PTPRN2: variants seen among roughly 807,000 people sequenced by gnomAD.
The protein encoded by PTPRN2 is receptor-type tyrosine-protein phosphatase N2.
PTPRN2 carries 74 observed loss-of-function variants against 118.8 expected under a neutral mutation model. The ratio of observed to expected loss-of-function variants is 0.62; its 90% CI spans 0.52 to 0.76. The LOEUF (loss-of-function observed/expected upper bound fraction) is 0.76, where lower values mean the gene tolerates loss of function less well. Ranked by LOEUF, PTPRN2 falls within the 30% of genes least tolerant of loss-of-function variation. PTPRN2 has a pLI of 0.00. For synonymous variants in PTPRN2, 641 were observed against 608.0 expected (o/e 1.05, Z -0.80); for missense variants, 1,481 against 1,394.4 (o/e 1.06, Z -0.99).
At chr7:158,547,933 G>C (rs1309601683) in intron 1 of PTPRN2, among the ~76,000 whole-genome samples, 1 of 152,224 alleles carries the variant, frequency 6.6e-6, no homozygotes, top group East Asian at 1.9e-4. Flanking sequence ...GGGAAGCTGT[G>C]ACTCCCAGGC....
At chr7:158,257,519 G>T (rs1002727035) in intron 3 of PTPRN2, among the ~76,000 whole-genome samples, 1 of 152,186 alleles carries the variant, frequency 6.6e-6, no homozygotes, top group Non-Finnish European at 1.5e-5. Context: ...CCTTCTGGGG[G>T]GCCCTCAAGC....
intron 2 of PTPRN2, among the ~76,000 whole-genome samples, chr7:158,478,099 C>G (rs1270089674): frequency 1.3e-5 from 2 of 152,224 alleles, no homozygotes; most frequent in Non-Finnish European, 1.5e-5. Flanking sequence ...AGAGTCACCA[C>G]GGAGCGTGGG....
intron 1 of PTPRN2, among the ~76,000 whole-genome samples, chr7:158,562,173 G>A (rs904196863): frequency 3.9e-5 from 6 of 152,162 alleles, no homozygotes; most frequent in African/African-American, 1.2e-4. Flanking sequence ...CTGTGAAGTC[G>A]GAGAGCAGGG....
At chr7:158,394,299 C>T (rs1198632026) in intron 2 of PTPRN2, among the ~76,000 whole-genome samples, 1 of 152,178 alleles carries the variant, frequency 6.6e-6, no homozygotes, top group African/African-American at 2.4e-5. Flanking sequence ...CTGGCTCCCC[C>T]ACCAAGGAGC....
At chr7:158,399,324 T>A (rs1004646088) in intron 2 of PTPRN2, among the ~76,000 whole-genome samples, 2 of 152,204 alleles carry the variant, frequency 1.3e-5, no homozygotes, top group Non-Finnish European at 2.9e-5. Flanking sequence ...TTTTCTCTAT[T>A]TCTATTCCCA....
rs1233357273 is a variant in PTPRN2, at chr7:158,330,940, C to G, written c.164-14008G>C. On this transcript the variant is annotated intron_variant, in intron 2 of 22. Coordinates refer to ENST00000389418, the MANE Select transcript of PTPRN2 (RefSeq NM_002847.5). ...GACGTCACTCACACCCACACTCTCACGATAAGAGCTGTCACACGCAGACGA... is the reference window on the plus strand; with the variant it reads ...GACGTCACTCACACCCACACTCTCAGGATAAGAGCTGTCACACGCAGACGA... Among the ~76,000 whole-genome samples the G allele has an allele frequency of 1.8e-5, 2 of 112,030 alleles. 1 individual carries two copies. The highest frequency in any genetic ancestry group is 3.7e-5 in the Non-Finnish European group (2 of 54,190). The allele number at this position is 112,030 out of a possible 152,430, so 73.5% of individuals were successfully genotyped here.
intron 12 of PTPRN2, among the ~76,000 whole-genome samples, chr7:157,886,539 G>A (rs1438454973): frequency 6.6e-6 from 1 of 152,124 alleles, no homozygotes; most frequent in Non-Finnish European, 1.5e-5. Context: ...GGAAAGTATT[G>A]AGAAGGCATC....
In PTPRN2 at chr7:158,456,451, T is replaced by G. The variant is rs532620933; in HGVS notation, c.163+33284A>C. Among the ~76,000 whole-genome samples, 74 of 118,036 alleles carry G rather than the reference T, an allele frequency of 6.3e-4. 5 individuals carry two copies. In the East Asian group the frequency reaches 0.02, roughly 33 times the overall value. The allele number at this position is 118,036 out of a possible 152,430, so 77.4% of individuals were successfully genotyped here. Reference sequence around the variant, plus strand: ...CCCCATCGCTCTGCAGAGAACATAATGGCACGGACGCCATCGGCAATGGCC... The same window carrying G: ...CCCCATCGCTCTGCAGAGAACATAAGGGCACGGACGCCATCGGCAATGGCC... On this transcript the variant is annotated intron_variant, in intron 2 of 22. Transcript: ENST00000389418.
At chr7:158,166,082 A>G (rs987909267) in intron 6 of PTPRN2, among the ~76,000 whole-genome samples, 2 of 152,138 alleles carry the variant, frequency 1.3e-5, no homozygotes, top group African/African-American at 4.8e-5. Flanking sequence ...TTTCCAAAAC[A>G]GATATGGATG....
chr7:158,393,465 G>A (rs1397471534), intron 2 of PTPRN2, among the ~76,000 whole-genome samples: 1 of 152,146 alleles, frequency 6.6e-6, no homozygotes, highest in Admixed American at 6.5e-5. Context: ...ACACAGAAAT[G>A]GTTCCCAGAA....
chr7:157,706,396 C>T lies in PTPRN2; in HGVS notation c.1789-23459G>A, dbSNP rs114025207. Among the ~76,000 whole-genome samples, 558 of 151,726 alleles carry T rather than the reference C, an allele frequency of 3.7e-3. 5 individuals carry two copies. The highest frequency in any genetic ancestry group is 0.013 in the African/African-American group (527 of 41,378). On this transcript the variant is annotated intron_variant, in intron 12 of 22. Coordinates refer to ENST00000389418, the MANE Select transcript of PTPRN2 (RefSeq NM_002847.5). ...ACTACATCCCTCCACGATGTGGGAA[C>T]TGGGCGAATGTGACCCCAGTGCCTT...
chr7:158,110,567 C>A (rs1031650128), intron 10 of PTPRN2, among the ~76,000 whole-genome samples: 3 of 152,198 alleles, frequency 2.0e-5, no homozygotes, highest in African/African-American at 4.8e-5. Flanking sequence ...TGTTCTAGAG[C>A]CTTCGGTGGT....
At chr7:158,121,119 G>T (rs1033279926) in intron 9 of PTPRN2, among the ~76,000 whole-genome samples, 2 of 152,072 alleles carry the variant, frequency 1.3e-5, no homozygotes, top group South Asian at 2.1e-4. Flanking sequence ...CTCTGCCTGG[G>T]CCTGGTGGTG....
intron 2 of PTPRN2, among the ~76,000 whole-genome samples, chr7:158,428,218 C>T (rs1051158087): frequency 6.6e-6 from 1 of 152,162 alleles, no homozygotes; most frequent in East Asian, 1.9e-4. Flanking sequence ...TCTCTCATCC[C>T]AAAATGGAAA....
At position 158,342,845 on chromosome 7, in the gene PTPRN2, A is replaced by C. The variant is rs540797277; in HGVS notation, c.164-25913T>G. On this transcript the variant is annotated intron_variant, in intron 2 of 22. Transcript: ENST00000389418. ...AACCATTCCAGACCACCGGGAGCTC[A>C]GGAAACCTCATCATCGTGCTCACTT... Among the ~76,000 whole-genome samples, 3 of 152,252 alleles carry C rather than the reference A, an allele frequency of 2.0e-5. No homozygotes were observed. The East Asian group carries it at 5.8e-4, about 29-fold the overall frequency.
rs188182675 is a variant in PTPRN2 at position 158,470,067 on chromosome 7, G to A, written c.163+19668C>T. ...ATAAAAGAATTGGGAGCTGGGATCT[G>A]TCCTAGTGCATCACAACGGGCTGCC... On this transcript the variant is annotated intron_variant, in intron 2 of 22. Coordinates refer to ENST00000389418, the MANE Select transcript of PTPRN2 (RefSeq NM_002847.5). Among the ~76,000 whole-genome samples the A allele has an allele frequency of 8.8e-3, 1,344 of 152,346 alleles. 25 individuals carry two copies. The highest frequency in any genetic ancestry group is 0.03 in the African/African-American group (1,250 of 41,580).
chr7:157,892,354 CTTTA>C (rs1465659590), intron 12 of PTPRN2, among the ~76,000 whole-genome samples: 1 of 152,148 alleles, frequency 6.6e-6, no homozygotes, highest in African/African-American at 2.4e-5. Context: ...AAAAACATGG[CTTTA>C]TTAATTTGAA....
At chr7:158,171,220 T>C (rs986147197) in intron 5 of PTPRN2, among the ~76,000 whole-genome samples, 2 of 130,674 alleles carry the variant, frequency 1.5e-5, no homozygotes, top group Non-Finnish European at 3.1e-5. Flanking sequence ...TATACACACA[T>C]ATATACACAC....
Position 158,138,394 on chromosome 7 carries a change from G to A in PTPRN2, c.1032C>T (p.Asp344=). 6.2e-7 allele frequency: 1 copy of A among 1,613,684 alleles called. No individual in the cohort carries two copies. The highest frequency in any genetic ancestry group is 8.5e-7 in the Non-Finnish European group (1 of 1,179,906). Reference sequence around the variant, plus strand: ...CAGGGCTGCCTCGAGCTACTCCATGGTCCACGCCTTGCATCAGGCCAGCCA... The same window carrying A: ...CAGGGCTGCCTCGAGCTACTCCATGATCCACGCCTTGCATCAGGCCAGCCA... ...ELMAGLMQGV[D]HGVARGSPGR... is the part of the protein sequence containing the mutation. Residue 344 remains aspartate, a synonymous_variant, in exon 7 of 23, where the codon GAC becomes GAT. Transcript: ENST00000389418.
Sources: allele counts gnomAD v4.1 joint callset (sites outside exome capture counted in the v4.1 genomes callset), GRCh38; gene constraint gnomAD v4.1.1; transcripts MANE v1.5; gene names NCBI Gene and HGNC (gene_info 2026-07-23, HGNC 2026-07-21).